Variants in STPG2 observed in about 807,000 individuals in gnomAD.
STPG2 encodes sperm tail PG-rich repeat containing 2.
Under a neutral mutation model 54.2 loss-of-function variants are expected in STPG2, and 56 were observed. That is an observed-to-expected ratio of 1.03 (90% CI 0.83 to 1.29). The LOEUF is 1.29. STPG2 is among the 50% of genes most tolerant of loss of function. STPG2 has a pLI of 0.00. For synonymous variants in STPG2, 200 were observed against 181.8 expected (o/e 1.10, Z -0.81); for missense variants, 596 against 544.9 (o/e 1.09, Z -0.93).
intron 9 of STPG2, among the ~76,000 whole-genome samples, chr4:97,786,587 T>C (rs1405750519): frequency 2.6e-5 from 4 of 152,112 alleles, no homozygotes; most frequent in Admixed American, 1.3e-4. Context: ...AACGCATCCA[T>C]TCTAAATTAT....
At chr4:97,844,993 A>T (rs1259237580) in intron 8 of STPG2, among the ~76,000 whole-genome samples, 1 of 151,860 alleles carries the variant, frequency 6.6e-6, no homozygotes, top group Non-Finnish European at 1.5e-5. Context: ...TGTACTTTAC[A>T]ACTCTAGAAT....
intron 9 of STPG2, among the ~76,000 whole-genome samples, chr4:97,819,742 T>G (rs1266449630): frequency 6.6e-6 from 1 of 152,072 alleles, no homozygotes; most frequent in African/African-American, 2.4e-5. Flanking sequence ...TTTAAACTAT[T>G]TAAATTAAAT....
At chr4:97,712,905 T>C in intron 9 of STPG2, 91 bp from the exon 10 acceptor site, 1 of 769,000 alleles carries the variant, frequency 1.3e-6, no homozygotes, top group Non-Finnish European at 1.9e-6. Flanking sequence ...GCTCTTAATG[T>C]ATAAAATTAG....
chr4:97,661,204 C>A (rs1722366992), intron 10 of STPG2, among the ~76,000 whole-genome samples: 1 of 151,956 alleles, frequency 6.6e-6, no homozygotes, highest in African/African-American at 2.4e-5. Flanking sequence ...CAATTTATAA[C>A]AAGAGAAAAA....
intron 9 of STPG2, among the ~76,000 whole-genome samples, chr4:97,839,590 T>C (rs903530631): frequency 2.0e-5 from 3 of 151,586 alleles, no homozygotes; most frequent in African/African-American, 7.2e-5. Flanking sequence ...TTGAGTGTAA[T>C]CAGGGACACA....
At chr4:97,807,389 A>C (rs1340155023) in intron 9 of STPG2, among the ~76,000 whole-genome samples, 1 of 152,028 alleles carries the variant, frequency 6.6e-6, no homozygotes, top group Non-Finnish European at 1.5e-5. Flanking sequence ...TCTATCTAAA[A>C]ACAATCCTTA....
chr4:98,139,340 G>C (rs1335902543), intron 1 of STPG2, among the ~76,000 whole-genome samples: 2 of 152,180 alleles, frequency 1.3e-5, no homozygotes, highest in African/African-American at 2.4e-5. Context: ...GAGAACAGCA[G>C]TTAGGAGAGA....
At chr4:97,460,654 T>C (rs1211768542) in intron 4 of STPG2, among the ~76,000 whole-genome samples, 1 of 152,138 alleles carries the variant, frequency 6.6e-6, no homozygotes, top group Admixed American at 6.6e-5. Flanking sequence ...CAAGTATAAT[T>C]TAATGAATTT....
chr4:97,710,793 A>C (rs1487471210), intron 10 of STPG2, among the ~76,000 whole-genome samples: 2 of 152,074 alleles, frequency 1.3e-5, no homozygotes, highest in African/African-American at 4.8e-5. Context: ...ATTTATTGAA[A>C]AAGGTTTTTA....
chr4:97,535,095 A>G (rs1731498708), intron 4 of STPG2, among the ~76,000 whole-genome samples: 1 of 152,238 alleles, frequency 6.6e-6, no homozygotes, highest in African/African-American at 2.4e-5. Flanking sequence ...ATAAACATTT[A>G]TGTAAAGGTT....
At chr4:97,452,355 C>T (rs1474580209) in intron 4 of STPG2, among the ~76,000 whole-genome samples, 1 of 152,094 alleles carries the variant, frequency 6.6e-6, no homozygotes, top group East Asian at 1.9e-4. Flanking sequence ...CAGACAGATT[C>T]CTGGGTGGAA....
At chr4:98,055,409 C>A (rs1324713889) in intron 5 of STPG2, among the ~76,000 whole-genome samples, 1 of 152,038 alleles carries the variant, frequency 6.6e-6, no homozygotes, top group Non-Finnish European at 1.5e-5. Flanking sequence ...GACCCAGAAG[C>A]TGGGCTGAAC....
rs113392941 is a variant in STPG2 at position 97,987,774 on chromosome 4, A to G, written c.613-6456T>C. On this transcript the variant is annotated intron_variant, in intron 5 of 10. Transcript: ENST00000295268. ...CATTTCTATCTTTATAATATTTCCAAATCCAACCACTTCTCTCCACCTCCA... is the reference window on the plus strand; with the variant it reads ...CATTTCTATCTTTATAATATTTCCAGATCCAACCACTTCTCTCCACCTCCA... Among the ~76,000 whole-genome samples the G allele has an allele frequency of 5.1e-3, 774 of 152,072 alleles. 3 individuals are homozygous for G. The highest frequency in any genetic ancestry group is 0.02 in the Middle Eastern group (6 of 294).
chr4:98,054,321 T>C (rs1038668802), intron 5 of STPG2, among the ~76,000 whole-genome samples: 23 of 152,160 alleles, frequency 1.5e-4, no homozygotes, highest in Non-Finnish European at 5.9e-5. Flanking sequence ...ATTTACATTT[T>C]TTACAATTTA....
At chr4:98,059,968 C>A (rs1737594705) in intron 5 of STPG2, among the ~76,000 whole-genome samples, 1 of 152,094 alleles carries the variant, frequency 6.6e-6, no homozygotes, top group Admixed American at 6.6e-5. Context: ...ACTGAATAGG[C>A]AAATGCTGGA....
At chr4:98,070,315 C>T (rs1272734120) in intron 5 of STPG2, among the ~76,000 whole-genome samples, 1 of 152,020 alleles carries the variant, frequency 6.6e-6, no homozygotes, top group Admixed American at 6.6e-5. Flanking sequence ...TAAAATTCAA[C>T]ATCCTTCATG....
chr4:97,698,422 T>A (rs1723654799), intron 10 of STPG2, among the ~76,000 whole-genome samples: 1 of 152,180 alleles, frequency 6.6e-6, no homozygotes, highest in South Asian at 2.1e-4. Flanking sequence ...ATTCTTAGCC[T>A]GTTGACTTAA....
intron 9 of STPG2, among the ~76,000 whole-genome samples, chr4:97,829,408 G>A (rs1256475374): frequency 6.6e-6 from 1 of 152,136 alleles, no homozygotes; most frequent in Non-Finnish European, 1.5e-5. Flanking sequence ...AATTCACAAA[G>A]ATGGGGAGAA....
chr4:97,642,363 T>C (rs1721789360), intron 10 of STPG2, among the ~76,000 whole-genome samples: 1 of 151,342 alleles, frequency 6.6e-6, no homozygotes, highest in South Asian at 2.1e-4. Flanking sequence ...ACATATTCTG[T>C]GATAAACATT....
Sources: gnomAD v4.1 joint callset for allele counts (sites outside exome capture counted in the v4.1 genomes callset) on GRCh38, gnomAD v4.1.1 for gene constraint, MANE v1.5 for transcripts, NCBI Gene and HGNC (gene_info 2026-07-23, HGNC 2026-07-21) for gene names.